Variants in PCBP3 observed in about 807,000 individuals in gnomAD.
The protein encoded by PCBP3 is poly(rC) binding protein 3, also known as poly(rC)-binding protein 3.
PCBP3 carries 25 observed loss-of-function variants against 52.7 expected under a neutral mutation model. The observed-to-expected ratio is 0.47, with a 90% CI of 0.35 to 0.66. The LOEUF (loss-of-function observed/expected upper bound fraction) is 0.66, where lower values mean the gene tolerates loss of function less well. PCBP3 is among the 30% of genes least tolerant of loss of function. The pLI, the probability that PCBP3 is intolerant of heterozygous loss-of-function variation, is 0.01. For synonymous variants in PCBP3, 162 were observed against 183.0 expected, an observed-to-expected ratio of 0.89 and a Z score of 0.93; for missense variants, 391 against 490.3, an observed-to-expected ratio of 0.80 and a Z score of 1.91.
chr21:45,925,275 C>G (rs1029427138), intron 13 of PCBP3, among the ~76,000 whole-genome samples: 1 of 151,956 alleles, frequency 6.6e-6, no homozygotes, highest in East Asian at 1.9e-4. Flanking sequence ...AGTGTAGACT[C>G]TCAACGCACA....
intron 15 of PCBP3, among the ~76,000 whole-genome samples, chr21:45,931,073 G>A (rs1012820003): frequency 7.9e-5 from 12 of 152,260 alleles, no homozygotes; most frequent in South Asian, 2.1e-4. Context: ...GGAGGCGGCC[G>A]TGGGAGCAGG....
At position 45,779,600 on chromosome 21, in the gene PCBP3, A is replaced by G. The variant is rs563092554; in HGVS notation, c.-126+24148A>G. Among the ~76,000 whole-genome samples the G allele has an allele frequency of 3.9e-5, 6 of 152,234 alleles. No individual in the cohort carries two copies. The South Asian group carries it at 1.0e-3, about 26-fold the overall frequency. On this transcript the variant is annotated intron_variant, in intron 4 of 17. Transcript: ENST00000681687. ...GTCATCCATCTTGAAGCTCCTCTCC[A>G]TGAAAAAAATATTATTTTTAATAAC...
At chr21:45,663,162 CCT>C (rs35784297) in intron 1 of PCBP3, among the ~76,000 whole-genome samples, 137,305 of 150,142 alleles carry the variant, frequency 0.91, 62,795 homozygotes, top group East Asian at 1. Flanking sequence ...TAAGCTGTCT[CCT>C]CTCTCTCTCT....
chr21:45,649,972 T>A (rs2079571518), intron 1 of PCBP3, among the ~76,000 whole-genome samples: 1 of 152,116 alleles, frequency 6.6e-6, no homozygotes, highest in African/African-American at 2.4e-5. Flanking sequence ...AGATGAGATA[T>A]TTTATTCTTT....
At chr21:45,785,625 G>A (rs1027072163) in intron 4 of PCBP3, among the ~76,000 whole-genome samples, 4 of 152,198 alleles carry the variant, frequency 2.6e-5, no homozygotes, top group Non-Finnish European at 1.5e-5. Context: ...CACCCCGTCT[G>A]GGAGGTGTAC....
chr21:45,646,121 G>C (rs1355026858), intron 1 of PCBP3, among the ~76,000 whole-genome samples: 116 of 135,204 alleles, frequency 8.6e-4, no homozygotes, highest in African/African-American at 3.0e-3. Flanking sequence ...GTGTGTGTGT[G>C]TGTGTGTGTG....
chr21:45,904,306 G>A lies in PCBP3; in HGVS notation c.339+3193G>A, dbSNP rs2096144832. ...GACTGTATGGCCAAGGAAGCTCGAGGGATTCGGACAGTTTTCATCTTTTGG... is the reference window on the plus strand; with the variant it reads ...GACTGTATGGCCAAGGAAGCTCGAGAGATTCGGACAGTTTTCATCTTTTGG... On this transcript the variant is annotated intron_variant, in intron 9 of 17. Coordinates refer to ENST00000681687, the MANE Select transcript of PCBP3 (RefSeq NM_001384156.1). The surrounding 1 kb of genome is among the most constrained non-coding windows in gnomAD (Gnocchi z 4.8). Among the ~76,000 whole-genome samples, 1 of 152,168 alleles carries A rather than the reference G, an allele frequency of 6.6e-6. No individual in the cohort carries two copies.
At position 45,724,182 on chromosome 21, in the gene PCBP3, G is replaced by A. The variant is rs917852927; in HGVS notation, c.-199-11210G>A. Reference sequence around the variant, plus strand: ...GGTTTTAGGTAAAAACATAGCATTTGCTCATTTTCCTTTATTGAGATCTGT... The same window carrying A: ...GGTTTTAGGTAAAAACATAGCATTTACTCATTTTCCTTTATTGAGATCTGT... On this transcript the variant is annotated intron_variant, in intron 2 of 17. Transcript: ENST00000681687. This position sits in a 1 kb window ranked among gnomAD's most constrained non-coding sequence, Gnocchi z 5.3. Among the ~76,000 whole-genome samples the A allele has an allele frequency of 6.6e-6, 1 of 152,172 alleles. No homozygotes were observed. Among genetic ancestry groups the A allele is most frequent in the Non-Finnish European group, 1.5e-5 (1 of 68,042 alleles).
chr21:45,676,406 T>A (rs2081465983), intron 2 of PCBP3, among the ~76,000 whole-genome samples: 2 of 152,186 alleles, frequency 1.3e-5, no homozygotes, highest in Admixed American at 1.3e-4. Context: ...GTGGCAACCC[T>A]GCATCAAGAA....
At chr21:45,672,446 C>T (rs956694684) in intron 2 of PCBP3, among the ~76,000 whole-genome samples, 1 of 151,886 alleles carries the variant, frequency 6.6e-6, no homozygotes, top group African/African-American at 2.4e-5. Flanking sequence ...GTTTGGAGGC[C>T]TGGGGTTGTT....
chr21:45,869,607 C>T (rs2094916749), intron 5 of PCBP3, among the ~76,000 whole-genome samples: 1 of 152,220 alleles, frequency 6.6e-6, no homozygotes, highest in African/African-American at 2.4e-5. Flanking sequence ...TGCATGTGGG[C>T]TGCAGCCCTC....
intron 15 of PCBP3, among the ~76,000 whole-genome samples, chr21:45,931,063 G>A (rs934306314): frequency 3.9e-5 from 6 of 152,230 alleles, no homozygotes; most frequent in Non-Finnish European, 8.8e-5. Flanking sequence ...CCCGGCCATG[G>A]GAGGCGGCCG....
intron 2 of PCBP3, among the ~76,000 whole-genome samples, chr21:45,721,828 A>G (rs993790675): frequency 2.0e-5 from 3 of 152,186 alleles, no homozygotes; most frequent in Non-Finnish European, 4.4e-5. Context: ...TCTCATCTGC[A>G]TGTATTTTGA....
intron 2 of PCBP3, among the ~76,000 whole-genome samples, chr21:45,681,119 C>T (rs1259351892): frequency 6.6e-6 from 1 of 152,180 alleles, no homozygotes; most frequent in African/African-American, 2.4e-5. Context: ...TTTATTAGGG[C>T]AGAGCCCTGA....
At chr21:45,765,864 G>A (rs950394174) in intron 4 of PCBP3, among the ~76,000 whole-genome samples, 1 of 152,338 alleles carries the variant, frequency 6.6e-6, no homozygotes. Flanking sequence ...CCTGAGAACG[G>A]GGAAGGCTCA....
intron 2 of PCBP3, among the ~76,000 whole-genome samples, chr21:45,705,316 A>C (rs1316561592): frequency 6.6e-6 from 1 of 152,194 alleles, no homozygotes; most frequent in African/African-American, 2.4e-5. Flanking sequence ...CAGGGGCCTC[A>C]GTGAGCATCT....
At chr21:45,665,838 A>G (rs1374965536) in intron 1 of PCBP3, among the ~76,000 whole-genome samples, 2 of 152,186 alleles carry the variant, frequency 1.3e-5, no homozygotes, top group Non-Finnish European at 2.9e-5. Context: ...CTAGAGACCA[A>G]TATCATTGAT....
At chr21:45,693,571 A>G (rs1404783845) in intron 2 of PCBP3, among the ~76,000 whole-genome samples, 3 of 152,134 alleles carry the variant, frequency 2.0e-5, no homozygotes, top group Admixed American at 1.3e-4. Context: ...TCATTCCCCA[A>G]TAAATTTGAT....
chr21:45,709,451 C>T (rs2083680413), intron 2 of PCBP3, among the ~76,000 whole-genome samples: 1 of 152,200 alleles, frequency 6.6e-6, no homozygotes, highest in Admixed American at 6.5e-5. Context: ...ATCACCGTGA[C>T]CTCTGCAATG....
Sources: gnomAD v4.1 joint callset for allele counts (sites outside exome capture counted in the v4.1 genomes callset) on GRCh38, gnomAD v4.1.1 for gene constraint, Gnocchi (gnomAD v3.1) non-coding constraint, MANE v1.5 for transcripts, NCBI Gene and HGNC (gene_info 2026-07-23, HGNC 2026-07-21) for gene names.